Variants in ITGA9 observed in about 807,000 individuals in gnomAD.
The protein encoded by ITGA9 is integrin alpha-9.
ITGA9 carries 56 observed loss-of-function variants against 127.8 expected under a neutral mutation model. The observed-to-expected ratio is 0.44, with a 90% CI of 0.35 to 0.55. The LOEUF (loss-of-function observed/expected upper bound fraction) is 0.55. Among genes scored for constraint, ITGA9 ranks in the 20% least tolerant of loss-of-function variants. The probability of loss-of-function intolerance (pLI) is 0.00; values close to 1 mark genes in which losing one functional copy is unlikely to be tolerated. For missense variants in ITGA9, 1,196 were observed against 1,347.1 expected, an observed-to-expected ratio of 0.89 and a Z score of 1.76; for synonymous variants, 508 against 514.5, an observed-to-expected ratio of 0.99 and a Z score of 0.17.
chr3:37,774,982 AT>A (rs11339988), intron 23 of ITGA9, among the ~76,000 whole-genome samples: 5,479 of 152,292 alleles, frequency 0.036, 249 homozygotes, highest in South Asian at 0.14. Flanking sequence ...ATAGATTAGC[AT>A]TGTTAGCTTT....
chr3:37,519,887 G>T (rs997777448), intron 11 of ITGA9, among the ~76,000 whole-genome samples: 2 of 152,122 alleles, frequency 1.3e-5, no homozygotes, highest in Non-Finnish European at 2.9e-5. Context: ...TCTTGCTGAT[G>T]GTGTCAAGCC....
intron 17 of ITGA9, among the ~76,000 whole-genome samples, chr3:37,669,359 C>T (rs1205447932): frequency 6.6e-6 from 1 of 152,222 alleles, no homozygotes; most frequent in Non-Finnish European, 1.5e-5. Context: ...CACAGCTCCC[C>T]TTGGTGTCTG....
At position 37,702,677 on chromosome 3, in the gene ITGA9, G is replaced by A. The variant is rs148603597; in HGVS notation, c.2067+18662G>A. Reference sequence around the variant, plus strand: ...GGCTGTATTTGAGAGGGTGGGAGTGGCCCAGGAGACCTCACGGTACAGTCA... The same window carrying A: ...GGCTGTATTTGAGAGGGTGGGAGTGACCCAGGAGACCTCACGGTACAGTCA... On this transcript the variant is annotated intron_variant, in intron 18 of 27. Coordinates refer to ENST00000264741, the MANE Select transcript of ITGA9 (RefSeq NM_002207.3). Among the ~76,000 whole-genome samples, 718 of 152,182 alleles carry A rather than the reference G, an allele frequency of 4.7e-3. 9 individuals carry two copies. The highest frequency in any genetic ancestry group is 0.03 in the South Asian group (142 of 4,798).
chr3:37,483,403 G>A (rs539233547), intron 4 of ITGA9, among the ~76,000 whole-genome samples: 1 of 152,196 alleles, frequency 6.6e-6, no homozygotes, highest in Non-Finnish European at 1.5e-5. Context: ...CTTCCCAGAA[G>A]CTGTGAAAAA....
At chr3:37,607,345 T>A (rs753933999) in intron 15 of ITGA9, among the ~76,000 whole-genome samples, 3 of 152,128 alleles carry the variant, frequency 2.0e-5, no homozygotes, top group Non-Finnish European at 4.4e-5. Context: ...GAGGAAAAAG[T>A]TGAACATTAC....
chr3:37,666,368 A>G (rs920233372), intron 17 of ITGA9, among the ~76,000 whole-genome samples: 1 of 152,220 alleles, frequency 6.6e-6, no homozygotes, highest in Non-Finnish European at 1.5e-5. Context: ...TGCTGTAACA[A>G]ATCACCCCAG....
chr3:37,452,432 C>T lies in ITGA9; in HGVS notation c.58C>T (p.Leu20=). The part of the protein sequence containing the change: ...AGRLRALLLA[L]VVAGIPAGAY... ...GAGGCTCCGCGCGCTGCTGCTGGCG[C>T]TGGTGGTCGCGGGGATCCCCGCGGG... The change falls in exon 1 of 28, where the codon CTG becomes TTG. Residue 20 remains leucine (L), a synonymous_variant. Transcript: ENST00000264741. The surrounding 1 kb of genome is among the most constrained non-coding windows in gnomAD (Gnocchi z 7.3). 6.8e-7 allele frequency: 1 copy of T among 1,468,648 alleles called. No homozygotes were observed. Among genetic ancestry groups the T allele is most frequent in the Non-Finnish European group, 9.0e-7 (1 of 1,108,462 alleles). 91.0% of individuals were successfully genotyped at this position (1,468,648 alleles called of 1,614,324 possible).
intron 18 of ITGA9, among the ~76,000 whole-genome samples, chr3:37,707,947 G>A (rs1381367340): frequency 6.6e-6 from 1 of 152,196 alleles, no homozygotes; most frequent in Non-Finnish European, 1.5e-5. Flanking sequence ...AGTGCTTCCT[G>A]TGGGCTAGGC....
chr3:37,610,614 G>T (rs1188398076), intron 15 of ITGA9, among the ~76,000 whole-genome samples: 1 of 152,242 alleles, frequency 6.6e-6, no homozygotes, highest in South Asian at 2.1e-4. Flanking sequence ...TACCTATGTC[G>T]AGATAATATC....
chr3:37,484,252 G>C (rs976936791), intron 4 of ITGA9, among the ~76,000 whole-genome samples: 2 of 152,182 alleles, frequency 1.3e-5, no homozygotes, highest in African/African-American at 4.8e-5. Context: ...AAAAATGGGG[G>C]ACTAAATTGA....
intron 15 of ITGA9, among the ~76,000 whole-genome samples, chr3:37,557,593 A>G (rs1383205470): frequency 6.6e-6 from 1 of 152,190 alleles, no homozygotes; most frequent in Non-Finnish European, 1.5e-5. Flanking sequence ...AGAGGGTGAC[A>G]GAGAGTTGCT....
At position 37,740,823 on chromosome 3, in the gene ITGA9, C is replaced by T. The variant is rs377388561; in HGVS notation, c.2235-907C>T. On this transcript the variant is annotated intron_variant, in intron 20 of 27. Coordinates refer to ENST00000264741, the MANE Select transcript of ITGA9 (RefSeq NM_002207.3). ...AATCCCCGTTCTGTGCTTTCTCACC[C>T]GGAGGCCTTATGTGGATGTATTTTA... Among the ~76,000 whole-genome samples the T allele has an allele frequency of 1.3e-4, 20 of 152,252 alleles. 1 individual carries two copies. The East Asian group carries it at 2.1e-3, about 16-fold the overall frequency.
intron 18 of ITGA9, among the ~76,000 whole-genome samples, chr3:37,712,265 G>T (rs1207659916): frequency 6.6e-6 from 1 of 152,214 alleles, no homozygotes; most frequent in Non-Finnish European, 1.5e-5. Context: ...TCCCACCTCA[G>T]TGTGGACATT....
intron 15 of ITGA9, among the ~76,000 whole-genome samples, chr3:37,582,037 A>G (rs963274837): frequency 2.0e-5 from 3 of 152,314 alleles, no homozygotes; most frequent in Non-Finnish European, 2.9e-5. Context: ...CTTCCTGTCC[A>G]TAATTCAGAC....
At chr3:37,658,778 T>C (rs991820468) in intron 17 of ITGA9, among the ~76,000 whole-genome samples, 4 of 152,186 alleles carry the variant, frequency 2.6e-5, no homozygotes, top group African/African-American at 9.7e-5. Flanking sequence ...TTCTTCATAG[T>C]GTTGATGGTC....
Position 37,542,460 on chromosome 3 carries a change from AAGG to A in ITGA9, c.1567_1569del (p.Glu523del). ...TGTTCTGATGGCTGACGTGGCCAAA[AAGG>A]AGAAGGGCCAGATGCCCAGGGTCTA... On this transcript the variant is annotated inframe_deletion, in exon 15 of 28. Transcript: ENST00000264741. 1.2e-6 allele frequency: 2 copies of A among 1,613,988 alleles called. No individual in the cohort carries two copies. The highest frequency in any genetic ancestry group is 1.7e-4 in the Middle Eastern group (1 of 5,912).
rs561548771 is a variant in ITGA9, at chr3:37,670,704, G to GT, written c.1917-13153dup. Among the ~76,000 whole-genome samples, 8 of 152,054 alleles carry GT rather than the reference G, an allele frequency of 5.3e-5. 1 individual carries two copies. Among genetic ancestry groups the GT allele is most frequent in the East Asian group, 1.9e-4 (1 of 5,176 alleles). ...ACCTCCAGATCTTTTTATTTAATAT[G>GT]TTTTTTTTAAAGCATATTGCTAAAC... On this transcript the variant is annotated intron_variant, in intron 17 of 27. Coordinates refer to ENST00000264741, the MANE Select transcript of ITGA9 (RefSeq NM_002207.3).
intron 26 of ITGA9, among the ~76,000 whole-genome samples, chr3:37,792,750 G>A (rs1348012405): frequency 1.3e-5 from 2 of 152,178 alleles, no homozygotes; most frequent in Non-Finnish European, 2.9e-5. Context: ...TGGATTTTAG[G>A]GGCAAAGGTG....
chr3:37,536,769 C>A (rs1699211969), intron 14 of ITGA9, among the ~76,000 whole-genome samples: 1 of 152,226 alleles, frequency 6.6e-6, no homozygotes, highest in African/African-American at 2.4e-5. Flanking sequence ...CTGCCTTGGC[C>A]TCTGAAACAG....
Sources: allele counts gnomAD v4.1 joint callset (sites outside exome capture counted in the v4.1 genomes callset), GRCh38; gene constraint gnomAD v4.1.1; non-coding constraint Gnocchi (gnomAD v3.1); transcripts MANE v1.5; gene names NCBI Gene and HGNC (gene_info 2026-07-23, HGNC 2026-07-21).